Variants in ZDHHC3 observed in about 807,000 individuals in gnomAD.
ZDHHC3 encodes the protein zDHHC palmitoyltransferase 3, also known as palmitoyltransferase ZDHHC3.
In ZDHHC3, 9 loss-of-function variants were observed where a neutral mutation model predicts 30.6. The observed-to-expected ratio is 0.29, with a 90% CI of 0.18 to 0.51. The LOEUF is 0.51. ZDHHC3 is among the 20% of genes least tolerant of loss of function. ZDHHC3 has a pLI of 0.97. For missense variants in ZDHHC3, 246 were observed against 384.2 expected, an observed-to-expected ratio of 0.64 and a Z score of 3.01; for synonymous variants, 136 against 140.2, an observed-to-expected ratio of 0.97 and a Z score of 0.21.
At chr3:44,971,791 C>T (rs1050352284) in intron 1 of ZDHHC3, among the ~76,000 whole-genome samples, 4 of 152,228 alleles carry the variant, frequency 2.6e-5, no homozygotes, top group Non-Finnish European at 5.9e-5. Context: ...TTTTCTATCA[C>T]TGTAATCTCA....
At chr3:44,972,776 A>C (rs1575970912) in intron 1 of ZDHHC3, among the ~76,000 whole-genome samples, 2 of 151,528 alleles carry the variant, frequency 1.3e-5, no homozygotes, top group Admixed American at 1.3e-4. Context: ...AATAAATTCT[A>C]AACTACTTTT....
At chr3:44,961,767 T>C (rs1704500478) in intron 1 of ZDHHC3, among the ~76,000 whole-genome samples, 1 of 152,262 alleles carries the variant, frequency 6.6e-6, no homozygotes, top group South Asian at 2.1e-4. Flanking sequence ...CCTACTGCCA[T>C]GCAGATTTAT....
At chr3:44,964,636 C>T (rs761605787) in intron 1 of ZDHHC3, among the ~76,000 whole-genome samples, 179 of 152,280 alleles carry the variant, frequency 1.2e-3, no homozygotes, top group Non-Finnish European at 2.2e-3. Flanking sequence ...GGCAAGACCA[C>T]TCTAGAAGTG....
chr3:44,971,221 C>T (rs1199305417), intron 1 of ZDHHC3, among the ~76,000 whole-genome samples: 3 of 152,206 alleles, frequency 2.0e-5, no homozygotes, highest in Admixed American at 1.3e-4. Flanking sequence ...TCTCCACTGA[C>T]CTTGAATAGG....
rs2125803631 is a variant in ZDHHC3, at chr3:44,926,669, G to A, written c.*20C>T. 3 of 1,572,286 alleles carry A rather than the reference G, an allele frequency of 1.9e-6. No individual in the cohort carries two copies. Among genetic ancestry groups the A allele is most frequent in the East Asian group, 2.3e-5 (1 of 44,142 alleles). ...TGTGGTGTGGACTTGTGTCTGAGTG[G>A]CCATGCCGGTCGGGGTCCTTCAGAC... On this transcript the variant is annotated 3_prime_UTR_variant, in exon 7 of 7. Transcript: ENST00000424952.
intron 3 of ZDHHC3, among the ~76,000 whole-genome samples, chr3:44,944,725 T>A (rs1434666262): frequency 6.6e-6 from 1 of 152,242 alleles, no homozygotes; most frequent in African/African-American, 2.4e-5. Flanking sequence ...TCATAACCTT[T>A]AGAAGTTTTA....
chr3:44,922,760 G>A lies in ZDHHC3; in HGVS notation c.*3929C>T, dbSNP rs1294311430. On this transcript the variant is annotated 3_prime_UTR_variant, in exon 7 of 7. Coordinates refer to ENST00000424952, the MANE Select transcript of ZDHHC3 (RefSeq NM_001135179.2). ...TCGGTTTCTGGTTCGGTAGCCTGGG[G>A]TGGGGACCGAGAATGTGCATTTCTA... 3.0e-6 allele frequency: 3 copies of A among 984,406 alleles called. No individual in the cohort carries two copies. Among genetic ancestry groups the A allele is most frequent in the African/African-American group, 3.5e-5 (2 of 57,218 alleles). The allele number at this position is 984,406 out of a possible 1,614,324, so 61.0% of individuals were successfully genotyped here.
chr3:44,921,775 A>G lies in ZDHHC3; in HGVS notation c.*4914T>C. The G allele has an allele frequency of 5.1e-6, 5 of 981,578 alleles. No individual in the cohort carries two copies. Among genetic ancestry groups the G allele is most frequent in the Non-Finnish European group, 4.8e-6 (4 of 826,432 alleles). 60.8% of individuals were successfully genotyped at this position (981,578 alleles called of 1,614,324 possible). On this transcript the variant is annotated 3_prime_UTR_variant, in exon 7 of 7. Transcript: ENST00000424952. ...TCATATTTTGGTAGTAGGTGCGGTA[A>G]TAAGTAGCCAAGCAGACATTTCAAC...
intron 3 of ZDHHC3, among the ~76,000 whole-genome samples, chr3:44,940,703 T>C (rs903939399): frequency 6.6e-6 from 1 of 152,182 alleles, no homozygotes; most frequent in African/African-American, 2.4e-5. Context: ...TCCTCCAGAT[T>C]TCCTACCATT....
At chr3:44,957,486 G>T (rs542981286) in intron 2 of ZDHHC3, among the ~76,000 whole-genome samples, 1 of 152,268 alleles carries the variant, frequency 6.6e-6, no homozygotes, top group East Asian at 1.9e-4. Flanking sequence ...ATCCTTAGGG[G>T]CCCTAAACTG....
At chr3:44,967,002 A>G (rs1409458444) in intron 1 of ZDHHC3, among the ~76,000 whole-genome samples, 1 of 151,862 alleles carries the variant, frequency 6.6e-6, no homozygotes, top group Non-Finnish European at 1.5e-5. Flanking sequence ...GCTACCAACA[A>G]GTCTACACTG....
At chr3:44,946,167 A>G (rs1474449184) in intron 2 of ZDHHC3, among the ~76,000 whole-genome samples, 2 of 152,234 alleles carry the variant, frequency 1.3e-5, no homozygotes, top group African/African-American at 2.4e-5. Flanking sequence ...TGTAATCTAT[A>G]TTTGGTTCTT....
At chr3:44,970,625 T>C (rs536227132) in intron 1 of ZDHHC3, among the ~76,000 whole-genome samples, 1 of 152,238 alleles carries the variant, frequency 6.6e-6, no homozygotes, top group Non-Finnish European at 1.5e-5. Flanking sequence ...AAGCTTCACT[T>C]ACCTCTTTTC....
chr3:44,976,138 GGCGGCCGCGGCT>G lies in ZDHHC3; in HGVS notation c.-242_-231del, dbSNP rs1559736504. On this transcript the variant is annotated 5_prime_UTR_variant, in exon 1 of 7. Transcript: ENST00000424952. Reference sequence around the variant, plus strand: ...CCCATCGAGCTCTCCCGGCAGTGGCGGCGGCCGCGGCTGCAGGAGCGGCCGCCGCGCAGGTTG... The same window carrying G: ...CCCATCGAGCTCTCCCGGCAGTGGCGGCAGGAGCGGCCGCCGCGCAGGTTG... 13 of 619,444 alleles carry G rather than the reference GGCGGCCGCGGCT, an allele frequency of 2.1e-5. No homozygotes were observed. The highest frequency in any genetic ancestry group is 2.9e-5 in the Non-Finnish European group (12 of 409,334). 38.4% of individuals were successfully genotyped at this position (619,444 alleles called of 1,614,324 possible).
intron 2 of ZDHHC3, among the ~76,000 whole-genome samples, chr3:44,950,122 C>T (rs749984532): frequency 6.6e-6 from 1 of 152,176 alleles, no homozygotes; most frequent in Non-Finnish European, 1.5e-5. Context: ...GGGGTGTGAG[C>T]CATTGTCCCC....
intron 1 of ZDHHC3, chr3:44,970,073 T>C (rs1347767943): frequency 6.6e-6 from 1 of 152,240 alleles, no homozygotes; most frequent in Non-Finnish European, 1.5e-5. Flanking sequence ...CAAAAGTGCT[T>C]AGAGAAATCC....
chr3:44,975,530 CAGAG>C (rs1705850327), intron 1 of ZDHHC3: 1 of 152,214 alleles, frequency 6.6e-6, no homozygotes, highest in South Asian at 2.1e-4. Flanking sequence ...CGTTCGGTCA[CAGAG>C]AGTGAGCGAG....
At position 44,925,484 on chromosome 3, in the gene ZDHHC3, C is replaced by T; in HGVS notation, c.*1205G>A. On this transcript the variant is annotated 3_prime_UTR_variant, in exon 7 of 7. Coordinates refer to ENST00000424952, the MANE Select transcript of ZDHHC3 (RefSeq NM_001135179.2). ...TCACCTCTATCCACCATCACCACCT[C>T]CTTCAAACAAGACTGACACAGGAAG... 1 of 985,474 alleles carries T rather than the reference C, an allele frequency of 1.0e-6. No homozygotes were observed. The highest frequency in any genetic ancestry group is 1.2e-6 in the Non-Finnish European group (1 of 829,942). The allele number at this position is 985,474 out of a possible 1,614,324, so 61.0% of individuals were successfully genotyped here. A position where few individuals can be genotyped will look rare whatever the true frequency, so the allele number is the denominator to read the frequency against.
At chr3:44,937,868 T>G (rs1702114170) in intron 3 of ZDHHC3, 1 of 475,248 alleles carries the variant, frequency 2.1e-6, no homozygotes, top group Admixed American at 2.2e-5. Context: ...AAGTGACTAT[T>G]CAGAAAAGAT....
Sources: gnomAD v4.1 joint callset for allele counts (sites outside exome capture counted in the v4.1 genomes callset) on GRCh38, gnomAD v4.1.1 for gene constraint, MANE v1.5 for transcripts, NCBI Gene and HGNC (gene_info 2026-07-23, HGNC 2026-07-21) for gene names.